Variants in PRR14L observed in about 807,000 individuals in gnomAD.
The protein encoded by PRR14L is proline rich 14 like, also known as protein PRR14L.
PRR14L carries 80 observed loss-of-function variants against 155.0 expected under a neutral mutation model. That is an observed-to-expected ratio of 0.52 (90% confidence interval 0.43 to 0.62). The LOEUF (loss-of-function observed/expected upper bound fraction) is 0.62. PRR14L is among the 20% of genes least tolerant of loss of function. The pLI is 0.00. For synonymous variants in PRR14L, 883 were observed against 916.0 expected (o/e 0.96, Z 0.65); for missense variants, 2,469 against 2,548.0 (o/e 0.97, Z 0.67).
intron 2 of PRR14L, among the ~76,000 whole-genome samples, chr22:31,736,775 C>T (rs1260525933): frequency 6.6e-6 from 1 of 151,994 alleles, no homozygotes; most frequent in Non-Finnish European, 1.5e-5. Flanking sequence ...ATGGTGGCTC[C>T]TGCCTGTAAT....
Position 31,712,550 on chromosome 22 carries a change from G to C in PRR14L, c.5289C>G (p.Thr1763=). ...AACCGTGGGACAAGAAGAAAGAAAA[G>C]GTCCACTTGGGAGGTTGAGACGGGC... is the stretch of plus-strand genomic sequence containing the variant. ...LQCPSQPPKW[T]FSFFLSHGCP... is the part of the protein sequence containing the mutation. Residue 1763 remains threonine, a synonymous_variant, in exon 4 of 9, where the codon ACC becomes ACG. Transcript: ENST00000327423. The C allele has an allele frequency of 6.4e-7, 1 of 1,551,744 alleles. No homozygotes were observed. Among genetic ancestry groups the C allele is most frequent in the Non-Finnish European group, 8.7e-7 (1 of 1,147,004 alleles).
intron 7 of PRR14L, among the ~76,000 whole-genome samples, chr22:31,693,179 G>A (rs2074519745): frequency 6.6e-6 from 1 of 152,102 alleles, no homozygotes; most frequent in South Asian, 2.1e-4. Context: ...ATAATGCCAT[G>A]TATCCCTCAT....
At position 31,715,008 on chromosome 22, in the gene PRR14L, T is replaced by G; in HGVS notation, c.2831A>C (p.Gln944Pro). 6.4e-7 allele frequency: 1 copy of G among 1,552,146 alleles called. No homozygotes were observed. Among genetic ancestry groups the G allele is most frequent in the Non-Finnish European group, 8.7e-7 (1 of 1,147,066 alleles). Reference protein sequence around the residue: ...NIPGPEKVLDQSPTVMFSSFK... With the variant: ...NIPGPEKVLDPSPTVMFSSFK... ...ACTGGAGAACATAACAGTAGGAGACTGGTCCAACACTTTTTCAGGACCTGG... is the reference window on the plus strand; with the variant it reads ...ACTGGAGAACATAACAGTAGGAGACGGGTCCAACACTTTTTCAGGACCTGG... The change falls in exon 4 of 9, where the codon CAG (glutamine) becomes CCG (proline). Residue 944 changes from glutamine to proline, a missense_variant. By Grantham distance (76) the Gln-to-Pro change is moderately conservative. Around this residue, in one of 2 missense-constraint regions of PRR14L, gnomAD observed 2,363 missense variants for 2,371.6 expected, o/e 1.00. Coordinates refer to ENST00000327423, the MANE Select transcript of PRR14L (RefSeq NM_173566.3).
At chr22:31,732,607 T>C (rs575081749) in intron 2 of PRR14L, among the ~76,000 whole-genome samples, 1 of 152,344 alleles carries the variant, frequency 6.6e-6, no homozygotes, top group East Asian at 1.9e-4. Flanking sequence ...AAAGGACTCT[T>C]GGAAGCTTGC....
rs181517694 is a variant in PRR14L, at chr22:31,749,249, G to T, written c.-52+744C>A. Among the ~76,000 whole-genome samples, 150 of 152,192 alleles carry T rather than the reference G, an allele frequency of 9.9e-4. 1 individual carries two copies. Among genetic ancestry groups the T allele is most frequent in the Non-Finnish European group, 1.6e-3 (112 of 68,014 alleles). On this transcript the variant is annotated intron_variant, in intron 1 of 8. Transcript: ENST00000327423. ...TAAGTGAGAGACCCAGGTTTGCAAC[G>T]ATTACACTCCAAAAGCCATGCTCTT...
chr22:31,688,331 T>C (rs2074493090), intron 7 of PRR14L, 104 bp from the exon 8 acceptor site: 1 of 1,345,616 alleles, frequency 7.4e-7, no homozygotes, highest in Non-Finnish European at 9.7e-7. Flanking sequence ...GACATGATCA[T>C]AGCTCACTGC....
At chr22:31,732,963 T>A (rs1262052635) in intron 2 of PRR14L, among the ~76,000 whole-genome samples, 1 of 152,018 alleles carries the variant, frequency 6.6e-6, no homozygotes, top group Non-Finnish European at 1.5e-5. Flanking sequence ...GTGTATTAAG[T>A]ATTGTTATAC....
At chr22:31,687,818 C>T (rs1054538857) in intron 8 of PRR14L, among the ~76,000 whole-genome samples, 6 of 150,852 alleles carry the variant, frequency 4.0e-5, no homozygotes, top group African/African-American at 1.2e-4. Flanking sequence ...CCAAGGCAGG[C>T]GGATCACGAG....
At chr22:31,737,970 G>A (rs915589075) in intron 2 of PRR14L, among the ~76,000 whole-genome samples, 6 of 150,922 alleles carry the variant, frequency 4.0e-5, no homozygotes, top group African/African-American at 1.5e-4. Context: ...AGCCAAGGTC[G>A]TGCCACTGCA....
intron 7 of PRR14L, among the ~76,000 whole-genome samples, chr22:31,696,812 C>G (rs1883970306): frequency 6.6e-6 from 1 of 152,034 alleles, no homozygotes; most frequent in South Asian, 2.1e-4. Context: ...AGAAGAGTGC[C>G]TTTAGAGATT....
At position 31,685,606 on chromosome 22, in the gene PRR14L, G is replaced by A; in HGVS notation, c.6377C>T (p.Ala2126Val). Reference sequence around the variant, plus strand: ...TTCCATTAGTTTCTGTATCAAAAGAGCATCCAGCTCTCGACTCTGCACAGC... The same window carrying A: ...TTCCATTAGTTTCTGTATCAAAAGAACATCCAGCTCTCGACTCTGCACAGC... ...KAAVQSRELDALLIQKLMELE... is the reference protein window; with the variant it reads ...KAAVQSRELDVLLIQKLMELE... The change falls in exon 9 of 9, where the codon GCT becomes GTT. Residue 2126 changes from alanine (A) to valine (V), a missense_variant. Physicochemically the swap from Ala to Val is moderately conservative, Grantham distance 64. Coordinates refer to ENST00000327423, the MANE Select transcript of PRR14L (RefSeq NM_173566.3). 1 of 1,551,900 alleles carries A rather than the reference G, an allele frequency of 6.4e-7. No homozygotes were observed. Among genetic ancestry groups the A allele is most frequent in the South Asian group, 1.2e-5 (1 of 84,060 alleles).
rs1569497785 is a variant in PRR14L, at chr22:31,703,536, C to A, written c.6000+14G>T. On this transcript the variant is annotated intron_variant, in intron 6 of 8. Transcript: ENST00000327423. ...TGCCACCATCATCTGACCCAACCAG[C>A]ACTTTACACTTACCTCTTTCTGTTC... 1 of 1,608,936 alleles carries A rather than the reference C, an allele frequency of 6.2e-7. No individual in the cohort carries two copies. The highest frequency in any genetic ancestry group is 1.1e-5 in the South Asian group (1 of 90,538).
intron 5 of PRR14L, chr22:31,704,355 G>A: frequency 3.9e-6 from 1 of 256,522 alleles, no homozygotes; most frequent in Non-Finnish European, 7.6e-6. Context: ...CCTGTCCAGG[G>A]ACTGAAGTTG....
chr22:31,747,261 C>T (rs567418370), intron 1 of PRR14L, among the ~76,000 whole-genome samples: 84 of 151,792 alleles, frequency 5.5e-4, no homozygotes, highest in Non-Finnish European at 6.0e-4. Context: ...CAGGCATGTG[C>T]CACCATGCCC....
At position 31,715,287 on chromosome 22, in the gene PRR14L, T is replaced by C; in HGVS notation, c.2552A>G (p.Tyr851Cys). 1 of 1,552,148 alleles carries C rather than the reference T, an allele frequency of 6.4e-7. No individual in the cohort carries two copies. The highest frequency in any genetic ancestry group is 8.7e-7 in the Non-Finnish European group (1 of 1,147,012). Residue 851 changes from tyrosine (Y) to cysteine (C), a missense_variant, in exon 4 of 9, where the codon TAC (tyrosine) becomes TGC (cysteine). By Grantham distance (194) the Tyr-to-Cys change is radical (BLOSUM62 -2). Coordinates refer to ENST00000327423, the MANE Select transcript of PRR14L (RefSeq NM_173566.3). Reference protein sequence around the residue: ...SVEKSSCKVSYTSQERELDGK... With the variant: ...SVEKSSCKVSCTSQERELDGK... ...ATCAAGTTCCCTTTCCTGTGATGTGTAACTCACTTTACAGCTGCTTTTTTC... is the reference window on the plus strand; with the variant it reads ...ATCAAGTTCCCTTTCCTGTGATGTGCAACTCACTTTACAGCTGCTTTTTTC...
At chr22:31,702,386 C>A (rs945167080) in intron 6 of PRR14L, among the ~76,000 whole-genome samples, 1 of 152,138 alleles carries the variant, frequency 6.6e-6, no homozygotes, top group East Asian at 1.9e-4. Flanking sequence ...CCACGCCCGG[C>A]TTATTTTGTA....
chr22:31,745,372 G>A (rs995395622), intron 1 of PRR14L, among the ~76,000 whole-genome samples: 2 of 150,720 alleles, frequency 1.3e-5, no homozygotes, highest in African/African-American at 4.9e-5. Context: ...GCGAGACTCC[G>A]TCTCAAAAAA....
intron 3 of PRR14L, among the ~76,000 whole-genome samples, chr22:31,722,833 G>A (rs2074698335): frequency 6.6e-6 from 1 of 152,124 alleles, no homozygotes; most frequent in Admixed American, 6.6e-5. Context: ...CGCCCAGCCG[G>A]CATCATTCAG....
intron 1 of PRR14L, among the ~76,000 whole-genome samples, chr22:31,739,283 CCTT>C (rs2074799535): frequency 6.6e-6 from 1 of 152,182 alleles, no homozygotes; most frequent in Non-Finnish European, 1.5e-5. Flanking sequence ...ATGAACCTTA[CCTT>C]TTTTGTTCAC....
Sources: gnomAD v4.1 joint callset for allele counts (sites outside exome capture counted in the v4.1 genomes callset) on GRCh38, gnomAD v4.1.1 for gene constraint, gnomAD v4.1.1 regional missense constraint, MANE v1.5 for transcripts, NCBI Gene and HGNC (gene_info 2026-07-23, HGNC 2026-07-21) for gene names.